Variants in ACO2 observed in about 807,000 individuals in gnomAD.
ACO2 encodes the protein aconitase 2, also known as aconitate hydratase, mitochondrial.
ACO2 carries 31 observed loss-of-function variants against 84.5 expected under a neutral mutation model. The ratio of observed to expected loss-of-function variants is 0.37; its 90% CI spans 0.28 to 0.50. The LOEUF is 0.50. Among genes scored for constraint, ACO2 ranks in the 20% least tolerant of loss-of-function variants. The probability of loss-of-function intolerance (pLI) is 0.97; values close to 1 mark genes in which losing one functional copy is unlikely to be tolerated. For synonymous variants in ACO2, 414 were observed against 412.7 expected, an observed-to-expected ratio of 1.00 and a Z score of -0.04; for missense variants, 685 against 1,029.3, an observed-to-expected ratio of 0.67 and a Z score of 4.58.
At chr22:41,494,880 T>C (rs974381913) in intron 1 of ACO2, among the ~76,000 whole-genome samples, 9 of 151,750 alleles carry the variant, frequency 5.9e-5, no homozygotes, top group African/African-American at 2.2e-4. Flanking sequence ...ATTACAGGCG[T>C]CTGCCACCAC....
At chr22:41,474,126 G>T (rs2037979229) in intron 1 of ACO2, among the ~76,000 whole-genome samples, 1 of 151,998 alleles carries the variant, frequency 6.6e-6, no homozygotes, top group South Asian at 2.1e-4. Context: ...TAGGGATCTG[G>T]GGGGTGGAGA....
chr22:41,527,213 C>T, intron 15 of ACO2, 75 bp from the exon 16 acceptor site: 2 of 1,608,732 alleles, frequency 1.2e-6, no homozygotes, highest in South Asian at 2.2e-5. Context: ...GTGGGTGAGG[C>T]CAGGCAGGTA....
At chr22:41,478,437 C>T (rs901096783) in intron 1 of ACO2, among the ~76,000 whole-genome samples, 1 of 152,148 alleles carries the variant, frequency 6.6e-6, no homozygotes, top group African/African-American at 2.4e-5. Context: ...AGCCACTGCG[C>T]CTGGCCAAGA....
chr22:41,478,573 T>C (rs1156549850), intron 1 of ACO2, among the ~76,000 whole-genome samples: 3 of 152,196 alleles, frequency 2.0e-5, no homozygotes, highest in Non-Finnish European at 2.9e-5. Context: ...TTGCAGTATT[T>C]ATTTTTATCA....
chr22:41,511,605 G>C (rs2066433391), intron 3 of ACO2, among the ~76,000 whole-genome samples: 1 of 152,378 alleles, frequency 6.6e-6, no homozygotes, highest in Admixed American at 6.5e-5. Flanking sequence ...CCAGGGCAGG[G>C]ACTTGTTCCA....
chr22:41,522,616 C>G (rs978701388), intron 9 of ACO2, among the ~76,000 whole-genome samples: 1 of 152,034 alleles, frequency 6.6e-6, no homozygotes, highest in Non-Finnish European at 1.5e-5. Context: ...CCAATGGCTA[C>G]AGCATCTTTC....
intron 10 of ACO2, 40 bp from the exon 11 acceptor site, chr22:41,523,165 C>G (rs971427336): frequency 6.3e-7 from 1 of 1,585,252 alleles, no homozygotes; most frequent in African/African-American, 1.3e-5. Flanking sequence ...ATCAGACTCT[C>G]ACCCACCCTT....
chr22:41,481,233 C>CCT (rs1380373942), intron 1 of ACO2, among the ~76,000 whole-genome samples: 6 of 152,284 alleles, frequency 3.9e-5, no homozygotes, highest in Admixed American at 1.3e-4. Flanking sequence ...TCCCTCCAGC[C>CCT]CTAGAGTGGA....
intron 1 of ACO2, among the ~76,000 whole-genome samples, chr22:41,497,583 A>G (rs2066323718): frequency 6.6e-6 from 1 of 151,832 alleles, no homozygotes; most frequent in Admixed American, 6.6e-5. Context: ...ACTACAAAAA[A>G]TAAACCTAAA....
intron 1 of ACO2, among the ~76,000 whole-genome samples, chr22:41,476,434 G>T (rs1287054766): frequency 2.1e-5 from 3 of 144,530 alleles, no homozygotes; most frequent in African/African-American, 7.7e-5. Flanking sequence ...AAGGCCAGAC[G>T]CAGTGGCTCA....
chr22:41,519,214 C>T (rs1040793039), intron 8 of ACO2, among the ~76,000 whole-genome samples: 6 of 152,326 alleles, frequency 3.9e-5, no homozygotes, highest in Admixed American at 6.5e-5. Context: ...CACCCTGAGA[C>T]GCACAGATCA....
chr22:41,509,435 G>A (rs1300516587), intron 3 of ACO2, among the ~76,000 whole-genome samples: 1 of 152,166 alleles, frequency 6.6e-6, no homozygotes, highest in Non-Finnish European at 1.5e-5. Context: ...GCCGAGGTAG[G>A]TAACTGCAGA....
At chr22:41,527,590 A>G in intron 16 of ACO2, 170 bp downstream of exon 16, 2 of 993,226 alleles carry the variant, frequency 2.0e-6, no homozygotes, top group Non-Finnish European at 2.9e-6. Flanking sequence ...TCCGACGCTC[A>G]GCTTCCCGGC....
intron 1 of ACO2, among the ~76,000 whole-genome samples, chr22:41,480,371 G>A (rs1328883263): frequency 1.3e-5 from 2 of 152,188 alleles, no homozygotes; most frequent in Non-Finnish European, 2.9e-5. Context: ...GGGTGAGTGT[G>A]TTAGGCATTC....
At chr22:41,486,317 G>T (rs988762445) in intron 1 of ACO2, among the ~76,000 whole-genome samples, 4 of 151,698 alleles carry the variant, frequency 2.6e-5, no homozygotes, top group Non-Finnish European at 1.5e-5. Context: ...TTTTTGAGAC[G>T]GAGTCTCGCT....
chr22:41,496,861 C>A (rs1193250545), intron 1 of ACO2, among the ~76,000 whole-genome samples: 1 of 152,082 alleles, frequency 6.6e-6, no homozygotes, highest in African/African-American at 2.4e-5. Context: ...GTTCTTACTG[C>A]TGGGTGACTC....
intron 2 of ACO2, 55 bp from the exon 3 acceptor site, chr22:41,507,736 C>T (rs978373607): frequency 6.1e-5 from 96 of 1,570,144 alleles, no homozygotes; most frequent in Non-Finnish European, 7.4e-5. Context: ...AGAGGCAGGG[C>T]GGGAGGAGGC....
chr22:41,495,710 T>G (rs2066308317), intron 1 of ACO2, among the ~76,000 whole-genome samples: 2 of 150,900 alleles, frequency 1.3e-5, no homozygotes, highest in Non-Finnish European at 2.9e-5. Context: ...AAGCTCCACC[T>G]CCTGGGTTCA....
intron 2 of ACO2, 86 bp from the exon 3 acceptor site, chr22:41,507,705 T>G (rs1390708850): frequency 6.5e-7 from 1 of 1,533,516 alleles, no homozygotes; most frequent in African/African-American, 1.4e-5. Flanking sequence ...ACTGTTGAGG[T>G]TGCCACATGG....
Sources: allele counts gnomAD v4.1 joint callset (sites outside exome capture counted in the v4.1 genomes callset), GRCh38; gene constraint gnomAD v4.1.1; transcripts MANE v1.5; gene names NCBI Gene and HGNC (gene_info 2026-07-23, HGNC 2026-07-21).